Variants in CEP68 observed in about 807,000 individuals in gnomAD.
CEP68 encodes centrosomal protein 68.
CEP68 carries 26 observed loss-of-function variants against 55.3 expected under a neutral mutation model. The ratio of observed to expected loss-of-function variants is 0.47; its 90% CI spans 0.34 to 0.65. CEP68 has a LOEUF of 0.65. Among genes scored for constraint, CEP68 ranks in the 30% least tolerant of loss-of-function variants. The pLI is 0.01. For missense variants in CEP68, 957 were observed against 946.7 expected (o/e 1.01, Z -0.14); for synonymous variants, 402 against 383.2 (o/e 1.05, Z -0.57).
chr2:65,071,924 T>C lies in CEP68; in HGVS notation c.828T>C (p.Cys276=). ...RLSFQAEYWA[C]VLPDSLPPSP... is the part of the protein sequence containing the mutation. ...CCTTCCAGGCTGAGTACTGGGCCTG[T>C]GTGCTGCCAGATTCCCTGCCTCCAT... is the stretch of plus-strand genomic sequence containing the variant. The change falls in exon 3 of 7, where the codon TGT becomes TGC. Residue 276 remains cysteine (C), a synonymous_variant. Coordinates refer to ENST00000377990, the MANE Select transcript of CEP68 (RefSeq NM_015147.3). 1.2e-6 allele frequency: 2 copies of C among 1,613,212 alleles called. No individual in the cohort carries two copies. The highest frequency in any genetic ancestry group is 1.7e-6 in the Non-Finnish European group (2 of 1,179,944).
chr2:65,073,501 T>G (rs1429878640), intron 3 of CEP68: 1 of 195,490 alleles, frequency 5.1e-6, no homozygotes, highest in African/African-American at 2.4e-5. Context: ...ACCAAATGAC[T>G]TAATATCTGG....
intron 1 of CEP68, among the ~76,000 whole-genome samples, chr2:65,065,149 CAT>C (rs1338104897): frequency 2.0e-5 from 3 of 152,224 alleles, no homozygotes; most frequent in Non-Finnish European, 2.9e-5. Flanking sequence ...CTGGCCCTCA[CAT>C]GTGCTGGTGG....
chr2:65,080,516 T>G (rs1389518538), intron 5 of CEP68: 22 of 985,220 alleles, frequency 2.2e-5, no homozygotes, highest in Non-Finnish European at 2.3e-5. Context: ...ATTCTGACAG[T>G]CTAAATAAAA....
intron 1 of CEP68, among the ~76,000 whole-genome samples, chr2:65,062,167 C>T (rs868232616): frequency 3.3e-5 from 5 of 152,170 alleles, no homozygotes; most frequent in African/African-American, 7.2e-5. Flanking sequence ...AGGTAAGAGA[C>T]GAGCCCTTGC....
At chr2:65,062,918 GGTTT>G (rs1450778816) in intron 1 of CEP68, among the ~76,000 whole-genome samples, 1 of 152,168 alleles carries the variant, frequency 6.6e-6, no homozygotes, top group Non-Finnish European at 1.5e-5. Flanking sequence ...CTGTTTGAGG[GGTTT>G]AGTCAAGAGC....
intron 1 of CEP68, among the ~76,000 whole-genome samples, chr2:65,062,445 A>C (rs1303626680): frequency 6.7e-6 from 1 of 148,446 alleles, no homozygotes; most frequent in Admixed American, 6.8e-5. Context: ...AGCCAGGAGA[A>C]TTGCTTGAAC....
At position 65,072,427 on chromosome 2, in the gene CEP68, G is replaced by C. The variant is rs149395099; in HGVS notation, c.1331G>C (p.Gly444Ala). ...GSPQLRTRDRGWPSPRPEREK... is the reference protein window; with the variant it reads ...GSPQLRTRDRAWPSPRPEREK... ...CCCCAGCTAAGGACACGGGACAGAG[G>C]GTGGCCCTCGCCCAGGCCAGAGAGG... Residue 444 changes from glycine to alanine, a missense_variant, in exon 3 of 7, where the codon GGG becomes GCG. Gly to Ala is a moderately conservative substitution (Grantham distance 60). Transcript: ENST00000377990. The C allele has an allele frequency of 6.2e-7, 1 of 1,613,890 alleles. No homozygotes were observed. Among genetic ancestry groups the C allele is most frequent in the African/African-American group, 1.3e-5 (1 of 74,922 alleles).
At chr2:65,075,081 A>T (rs1411912538) in intron 4 of CEP68, 1 of 153,292 alleles carries the variant, frequency 6.5e-6, no homozygotes, top group Non-Finnish European at 1.4e-5. Context: ...CTGAAATTGT[A>T]CTGACTCCAG....
At chr2:65,074,185 A>G (rs924733340) in intron 3 of CEP68, 97 bp from the exon 4 acceptor site, 3 of 1,436,412 alleles carry the variant, frequency 2.1e-6, no homozygotes, top group Admixed American at 1.8e-5. Context: ...GAAGGTGCAC[A>G]GTCTGTCTCC....
At chr2:65,081,522 G>A (rs751033799) in intron 5 of CEP68, among the ~76,000 whole-genome samples, 1 of 152,130 alleles carries the variant, frequency 6.6e-6, no homozygotes, top group Non-Finnish European at 1.5e-5. Flanking sequence ...GCTGATAAAG[G>A]TGCAGGAAAC....
intron 5 of CEP68, 144 bp downstream of exon 5, chr2:65,078,108 GC>G: frequency 1.7e-6 from 1 of 577,686 alleles, no homozygotes; most frequent in Non-Finnish European, 3.1e-6. Flanking sequence ...TGCCCCATCT[GC>G]CAGCTCCACG....
At chr2:65,058,033 T>A (rs545386462) in intron 1 of CEP68, among the ~76,000 whole-genome samples, 11 of 152,332 alleles carry the variant, frequency 7.2e-5, no homozygotes, top group Admixed American at 3.3e-4. Flanking sequence ...TAGGATTAAA[T>A]AAGATATTGA....
Position 65,086,071 on chromosome 2 carries a change from G to A in CEP68, c.*2437G>A, listed in dbSNP as rs1393324356. 2 of 69,984 alleles carry A rather than the reference G, an allele frequency of 2.9e-5. No individual in the cohort carries two copies. Among genetic ancestry groups the A allele is most frequent in the Admixed American group, 1.7e-4 (1 of 5,788 alleles). The allele number at this position is 69,984 out of a possible 1,614,324, so 4.3% of individuals were successfully genotyped here. A position where few individuals can be genotyped will look rare whatever the true frequency, so the allele number is the denominator to read the frequency against. On this transcript the variant is annotated 3_prime_UTR_variant, in exon 7 of 7. Transcript: ENST00000377990. The stretch of plus-strand genomic sequence containing the variant: ...TAGGTAAGCTCAGCAAATGGAAGAC[G>A]ACGTCAACACGGCTATTTTGAAGCT...
At position 65,074,106 on chromosome 2, in the gene CEP68, A is replaced by T. The variant is rs1002874806; in HGVS notation, c.1885-176A>T. 1.1e-5 allele frequency: 7 copies of T among 652,036 alleles called. No individual in the cohort carries two copies. The African/African-American group carries it at 1.3e-4, about 12-fold the overall frequency. 40.4% of individuals were successfully genotyped at this position (652,036 alleles called of 1,614,324 possible). ...GATGTCACACCAGGCTGTGGTTTTCATTGCTTTGGCAGAGGGAGGTACAGA... is the reference window on the plus strand; with the variant it reads ...GATGTCACACCAGGCTGTGGTTTTCTTTGCTTTGGCAGAGGGAGGTACAGA... On this transcript the variant is annotated intron_variant, in intron 3 of 6. Transcript: ENST00000377990.
intron 1 of CEP68, among the ~76,000 whole-genome samples, chr2:65,068,040 A>G (rs1464200514): frequency 6.6e-5 from 10 of 152,122 alleles, no homozygotes; most frequent in Admixed American, 6.5e-4. Flanking sequence ...CTCCACCAGC[A>G]TCTCCTCTTA....
intron 1 of CEP68, among the ~76,000 whole-genome samples, chr2:65,063,575 C>T (rs1395542399): frequency 6.6e-6 from 1 of 152,304 alleles, no homozygotes. Context: ...GATAAGCTGC[C>T]TCTTATTAGA....
intron 4 of CEP68, chr2:65,074,963 C>T (rs1404347718): frequency 5.2e-6 from 1 of 193,356 alleles, no homozygotes; most frequent in African/African-American, 2.4e-5. Context: ...TCTGCATGTT[C>T]AACCATCACA....
intron 1 of CEP68, among the ~76,000 whole-genome samples, chr2:65,067,792 C>T (rs1676265576): frequency 2.0e-5 from 3 of 152,154 alleles, no homozygotes; most frequent in Non-Finnish European, 4.4e-5. Context: ...CTGATTAGTT[C>T]CTGCCCCACC....
intron 5 of CEP68, among the ~76,000 whole-genome samples, chr2:65,078,314 T>C (rs553691717): frequency 7.2e-5 from 11 of 152,208 alleles, no homozygotes; most frequent in African/African-American, 2.7e-4. Context: ...CTAGGGTATT[T>C]AGTGGGTATC....
Sources: gnomAD v4.1 joint callset for allele counts (sites outside exome capture counted in the v4.1 genomes callset) on GRCh38, gnomAD v4.1.1 for gene constraint, MANE v1.5 for transcripts, NCBI Gene and HGNC (gene_info 2026-07-23, HGNC 2026-07-21) for gene names.